Variants in SLIT2 observed in about 807,000 individuals in gnomAD.
The protein encoded by SLIT2 is slit guidance ligand 2.
SLIT2 carries 41 observed loss-of-function variants against 185.7 expected under a neutral mutation model. The observed-to-expected ratio is 0.22, with a 90% confidence interval of 0.17 to 0.29. The LOEUF is 0.29. Ranked by LOEUF, SLIT2 falls within the 10% of genes least tolerant of loss-of-function variation. The pLI is 1.00. For synonymous variants in SLIT2, 693 were observed against 680.2 expected, an observed-to-expected ratio of 1.02 and a Z score of -0.29; for missense variants, 1,571 against 1,909.0, an observed-to-expected ratio of 0.82 and a Z score of 3.30.
chr4:20,502,034 A>ATG, intron 9 of SLIT2, among the ~76,000 whole-genome samples: 2 of 152,346 alleles, frequency 1.3e-5, no homozygotes, highest in Admixed American at 1.3e-4. Context: ...TAGGTAACAT[A>ATG]CATGTTATAC....
At chr4:20,351,528 C>T (rs1248748771) in intron 4 of SLIT2, among the ~76,000 whole-genome samples, 1 of 152,168 alleles carries the variant, frequency 6.6e-6, no homozygotes, top group Non-Finnish European at 1.5e-5. Flanking sequence ...AATTCCCACC[C>T]TGATTCCTCT....
chr4:20,580,504 T>C (rs1457444166), intron 29 of SLIT2, among the ~76,000 whole-genome samples: 1 of 152,078 alleles, frequency 6.6e-6, no homozygotes, highest in Non-Finnish European at 1.5e-5. Flanking sequence ...ACCATAAAGC[T>C]GATGGCACAG....
Position 20,317,413 on chromosome 4 carries a change from A to G in SLIT2, c.395+48532A>G, listed in dbSNP as rs187948975. ...ACAGTAAGACCCTACAGCATAGCAA[A>G]TTCCACAGGCAGTTTATTGAAATAC... On this transcript the variant is annotated intron_variant, in intron 4 of 36. Transcript: ENST00000504154. 4.7e-3 allele frequency among the ~76,000 whole-genome samples: 720 copies of G among 152,158 alleles called. 7 individuals carry two copies. The highest frequency in any genetic ancestry group is 0.016 in the African/African-American group (682 of 41,556).
At chr4:20,338,522 C>T (rs138265137) in intron 4 of SLIT2, among the ~76,000 whole-genome samples, 2 of 152,170 alleles carry the variant, frequency 1.3e-5, no homozygotes, top group African/African-American at 4.8e-5. Context: ...CTGGTGGAGT[C>T]TAAAGGTAAA....
At chr4:20,310,146 C>A (rs1323239138) in intron 4 of SLIT2, among the ~76,000 whole-genome samples, 1 of 152,092 alleles carries the variant, frequency 6.6e-6, no homozygotes, top group Non-Finnish European at 1.5e-5. Flanking sequence ...TCATACATCA[C>A]TATTTCCTCA....
rs750587435 is a variant in SLIT2, at chr4:20,253,938, T to C, written c.123T>C (p.Cys41=). The C allele has an allele frequency of 6.2e-7, 1 of 1,602,928 alleles. No individual in the cohort carries two copies. The highest frequency in any genetic ancestry group is 8.5e-7 in the Non-Finnish European group (1 of 1,179,912). The change falls in exon 1 of 37, where the codon TGT becomes TGC. Residue 41 remains cysteine, a synonymous_variant. Transcript: ENST00000504154. The stretch of plus-strand genomic sequence containing the variant: ...CTTGCTCGGGCAGCACAGTGGACTG[T>C]CACGGGCTGGCGCTGCGCAGCGTGC... ...QCSCSGSTVD[C]HGLALRSVPR... is the part of the protein sequence containing the mutation.
chr4:20,424,832 T>C (rs1728431117), intron 4 of SLIT2, among the ~76,000 whole-genome samples: 1 of 152,150 alleles, frequency 6.6e-6, no homozygotes. Context: ...GATATTTCTG[T>C]ATTTATCAAT....
chr4:20,293,401 A>T (rs1350125239), intron 4 of SLIT2, among the ~76,000 whole-genome samples: 1 of 152,212 alleles, frequency 6.6e-6, no homozygotes, highest in Non-Finnish European at 1.5e-5. Context: ...ATTTAAAAAG[A>T]TATTTGCAAT....
At chr4:20,516,183 C>A (rs147457643) in intron 11 of SLIT2, among the ~76,000 whole-genome samples, 114 of 152,304 alleles carry the variant, frequency 7.5e-4, no homozygotes, top group African/African-American at 2.6e-3. Context: ...CTCTTACTGT[C>A]CTAATGCTGA....
At chr4:20,524,702 C>T (rs1434130020) in intron 14 of SLIT2, among the ~76,000 whole-genome samples, 3 of 152,084 alleles carry the variant, frequency 2.0e-5, no homozygotes, top group Non-Finnish European at 2.9e-5. Context: ...CGTGAGGATG[C>T]GTTTTTTCCA....
Position 20,519,441 on chromosome 4 carries a change from C to T in SLIT2, c.1118C>T (p.Ser373Phe). 1 of 1,564,340 alleles carries T rather than the reference C, an allele frequency of 6.4e-7. No homozygotes were observed. Among genetic ancestry groups the T allele is most frequent in the Non-Finnish European group, 8.8e-7 (1 of 1,135,650 alleles). The change falls in exon 12 of 37, where the codon TCC becomes TTC. Residue 373 changes from serine to phenylalanine, a missense_variant. Around this residue, in one of 3 missense-constraint regions of SLIT2, gnomAD observed 1,202 missense variants for 1,416.4 expected, o/e 0.85. Transcript: ENST00000504154. ...AAAAGTTTATTTGAAGGACTGTTTT[C>T]CTTACAGCTCCTGTAAGTATTTGAT... ...LPKSLFEGLFSLQLLLLNANK... is the reference protein window; with the variant it reads ...LPKSLFEGLFFLQLLLLNANK...
intron 30 of SLIT2, among the ~76,000 whole-genome samples, chr4:20,594,574 T>G (rs1727825133): frequency 6.6e-6 from 1 of 151,984 alleles, no homozygotes; most frequent in African/African-American, 2.4e-5. Flanking sequence ...CTGTAGGGAT[T>G]CTATGGTCCC....
intron 4 of SLIT2, among the ~76,000 whole-genome samples, chr4:20,464,649 C>T (rs560375715): frequency 2.0e-5 from 3 of 152,232 alleles, no homozygotes; most frequent in African/African-American, 7.2e-5. Flanking sequence ...CCTGTTATTC[C>T]ACTGCATACG....
chr4:20,268,679 A>C lies in SLIT2; in HGVS notation c.324-131A>C, dbSNP rs989403568. 29 of 693,624 alleles carry C rather than the reference A, an allele frequency of 4.2e-5. No homozygotes were observed. In the African/African-American group the frequency reaches 4.5e-4, roughly 11 times the overall value. The allele number at this position is 693,624 out of a possible 1,614,324, so 43.0% of individuals were successfully genotyped here. ...AGGTGTAACCAACTTTTGATTTGCA[A>C]TGCTTGAATTCTCCTGAATGTCATT... On this transcript the variant is annotated intron_variant, in intron 3 of 36. Coordinates refer to ENST00000504154, the MANE Select transcript of SLIT2 (RefSeq NM_004787.4).
Position 20,254,582 on chromosome 4 carries a change from C to T in SLIT2, c.179+588C>T, listed in dbSNP as rs1383198486. Among the ~76,000 whole-genome samples, 1 of 152,168 alleles carries T rather than the reference C, an allele frequency of 6.6e-6. No homozygotes were observed. Among genetic ancestry groups the T allele is most frequent in the Non-Finnish European group, 1.5e-5 (1 of 68,030 alleles). On this transcript the variant is annotated intron_variant, in intron 1 of 36. Transcript: ENST00000504154. The surrounding 1 kb of genome is among the most constrained non-coding windows in gnomAD (Gnocchi z 5.1). ...GGTGCCCCAGGACGGCGACACCTCG[C>T]ATAGTAGCCTCGCGCAGCCCCCCGC...
chr4:20,325,815 A>G (rs1039243884), intron 4 of SLIT2, among the ~76,000 whole-genome samples: 1 of 152,196 alleles, frequency 6.6e-6, no homozygotes, highest in Non-Finnish European at 1.5e-5. Context: ...GCTAGGAAAG[A>G]AAAACTCTTG....
chr4:20,316,054 C>T (rs1253061714), intron 4 of SLIT2, among the ~76,000 whole-genome samples: 2 of 152,018 alleles, frequency 1.3e-5, no homozygotes, highest in Admixed American at 1.3e-4. Flanking sequence ...CTCTGGCCTC[C>T]TCCCAGATTC....
chr4:20,557,880 T>A (rs765036398), intron 26 of SLIT2, among the ~76,000 whole-genome samples: 1 of 152,004 alleles, frequency 6.6e-6, no homozygotes, highest in Non-Finnish European at 1.5e-5. Context: ...CCAATCTGCA[T>A]AGATGACTTT....
At chr4:20,382,291 A>G (rs944330388) in intron 4 of SLIT2, among the ~76,000 whole-genome samples, 7 of 152,116 alleles carry the variant, frequency 4.6e-5, no homozygotes, top group Non-Finnish European at 1.0e-4. Flanking sequence ...CAAGTTCAGG[A>G]ACAAGACAAG....
Sources: allele counts gnomAD v4.1 joint callset (sites outside exome capture counted in the v4.1 genomes callset), GRCh38; gene constraint gnomAD v4.1.1; regional missense constraint gnomAD v4.1.1; non-coding constraint Gnocchi (gnomAD v3.1); transcripts MANE v1.5; gene names NCBI Gene and HGNC (gene_info 2026-07-23, HGNC 2026-07-21).